PLEKHH2: variants seen among roughly 807,000 people sequenced by gnomAD.
PLEKHH2 encodes the protein pleckstrin homology, MyTH4 and FERM domain containing H2.
In PLEKHH2, 129 loss-of-function variants were observed where a neutral mutation model predicts 187.9. That is an observed-to-expected ratio of 0.69 (90% CI 0.59 to 0.79). The LOEUF is 0.79. PLEKHH2 is among the 30% of genes least tolerant of loss of function. The pLI is 0.00. For missense variants in PLEKHH2, 2,076 were observed against 1,751.2 expected (o/e 1.19, Z -3.31); for synonymous variants, 686 against 605.6 (o/e 1.13, Z -1.95).
At chr2:43,689,047 A>C (rs1486293784) in intron 3 of PLEKHH2, among the ~76,000 whole-genome samples, 1 of 152,202 alleles carries the variant, frequency 6.6e-6, no homozygotes, top group Non-Finnish European at 1.5e-5. Flanking sequence ...CCATTAGCAT[A>C]AACTATGTGG....
At chr2:43,735,360 G>C (rs900490448) in intron 19 of PLEKHH2, among the ~76,000 whole-genome samples, 1 of 152,148 alleles carries the variant, frequency 6.6e-6, no homozygotes, top group Admixed American at 6.5e-5. Flanking sequence ...TCATAGGTGG[G>C]AGCTAAAAAA....
At position 43,767,600 on chromosome 2, in the gene PLEKHH2, T is replaced by A. The variant is rs1363258412; in HGVS notation, c.*2002T>A. The A allele has an allele frequency of 6.6e-6, 1 of 152,514 alleles. No individual in the cohort carries two copies. Among genetic ancestry groups the A allele is most frequent in the Non-Finnish European group, 1.5e-5 (1 of 68,016 alleles). The allele number at this position is 152,514 out of a possible 1,614,324, so 9.4% of individuals were successfully genotyped here. ...AGTTCCTAGAGAGCCATTTAATAATTAGTTGGTGAGCCAGAGGCTTGACAG... is the reference window on the plus strand; with the variant it reads ...AGTTCCTAGAGAGCCATTTAATAATAAGTTGGTGAGCCAGAGGCTTGACAG... On this transcript the variant is annotated 3_prime_UTR_variant, in exon 30 of 30. Transcript: ENST00000282406.
intron 23 of PLEKHH2, 40 bp from the exon 24 acceptor site, chr2:43,745,826 G>T: frequency 6.8e-7 from 1 of 1,476,030 alleles, no homozygotes. Context: ...ATGTTGATTT[G>T]AAAAGTACTG....
intron 16 of PLEKHH2, among the ~76,000 whole-genome samples, chr2:43,724,555 T>A (rs1180948412): frequency 6.6e-6 from 1 of 152,184 alleles, no homozygotes; most frequent in African/African-American, 2.4e-5. Flanking sequence ...TTAATATAAA[T>A]TGGCTTTAGG....
intron 23 of PLEKHH2, among the ~76,000 whole-genome samples, chr2:43,744,659 G>A (rs1274007451): frequency 1.3e-5 from 2 of 152,126 alleles, no homozygotes; most frequent in African/African-American, 4.8e-5. Flanking sequence ...TTTGAGGCCA[G>A]GAGTTTGAGA....
intron 17 of PLEKHH2, among the ~76,000 whole-genome samples, chr2:43,728,843 T>G (rs1670904123): frequency 6.6e-6 from 1 of 152,164 alleles, no homozygotes. Context: ...ATTACAGGCA[T>G]GAGCCACCGT....
At chr2:43,720,619 G>C in intron 15 of PLEKHH2, 50 bp from the exon 16 acceptor site, 5 of 1,595,792 alleles carry the variant, frequency 3.1e-6, no homozygotes, top group Non-Finnish European at 4.3e-6. Context: ...TATAATTTAA[G>C]GTGTCAGAGT....
At chr2:43,637,744 G>T (rs1226381064) in intron 1 of PLEKHH2, among the ~76,000 whole-genome samples, 1 of 152,188 alleles carries the variant, frequency 6.6e-6, no homozygotes. Context: ...GGGTCCCCGA[G>T]CCGAGGGACC....
At chr2:43,656,252 C>T (rs143541285) in intron 2 of PLEKHH2, among the ~76,000 whole-genome samples, 1 of 152,258 alleles carries the variant, frequency 6.6e-6, no homozygotes, top group African/African-American at 2.4e-5. Context: ...TCACTGTGCC[C>T]AGCCTATCTT....
At chr2:43,681,117 T>C (rs2104433716) in intron 3 of PLEKHH2, 2 of 944,296 alleles carry the variant, frequency 2.1e-6, no homozygotes, top group Non-Finnish European at 3.3e-6. Context: ...ACTATGGTTG[T>C]GAAACCAAGT....
chr2:43,751,895 T>C (rs1480805230), intron 24 of PLEKHH2, among the ~76,000 whole-genome samples: 1 of 152,040 alleles, frequency 6.6e-6, no homozygotes, highest in African/African-American at 2.4e-5. Context: ...GAGCCCATGG[T>C]TCATGTCCAG....
Position 43,710,078 on chromosome 2 carries a change from G to A in PLEKHH2, c.2055G>A (p.Glu685=). 1 of 1,613,470 alleles carries A rather than the reference G, an allele frequency of 6.2e-7. No individual in the cohort carries two copies. ...YSTDTEYSQP[E]QKLPKTCSSS... The stretch of plus-strand genomic sequence containing the variant: ...CAGACACGGAGTACTCACAGCCAGA[G>A]CAGAAGCTCCCAAAAACTTGCTCAT... Residue 685 remains glutamate (E), a synonymous_variant, in exon 12 of 30, where the codon GAG becomes GAA. Transcript: ENST00000282406.
intron 25 of PLEKHH2, among the ~76,000 whole-genome samples, chr2:43,755,392 G>A (rs767491201): frequency 6.6e-6 from 1 of 152,100 alleles, no homozygotes; most frequent in Non-Finnish European, 1.5e-5. Context: ...TCTGTATGCT[G>A]ACTTCTGTTG....
chr2:43,700,713 C>A lies in PLEKHH2; in HGVS notation c.1650+105C>A, dbSNP rs113733835. 1.6e-3 allele frequency: 2,287 copies of A among 1,401,230 alleles called. 37 individuals carry two copies. The African/African-American group carries it at 0.03, about 18-fold the overall frequency. 86.8% of individuals were successfully genotyped at this position (1,401,230 alleles called of 1,614,324 possible). A position where few individuals can be genotyped will look rare whatever the true frequency, so the allele number is the denominator to read the frequency against. On this transcript the variant is annotated intron_variant, in intron 8 of 29. Transcript: ENST00000282406. ...TGTCGCCCAAGCTGGAGTGCAGTGG[C>A]GCGATCTTGGCTCACTGCAACCTCC... is the stretch of plus-strand genomic sequence containing the variant.
At chr2:43,693,203 G>T (rs894715922) in intron 4 of PLEKHH2, among the ~76,000 whole-genome samples, 1 of 152,134 alleles carries the variant, frequency 6.6e-6, no homozygotes, top group Non-Finnish European at 1.5e-5. Flanking sequence ...GGGATTACAG[G>T]CATGAGCCAC....
In PLEKHH2 at chr2:43,644,765, C is replaced by G. The variant is rs1226169246; in HGVS notation, c.92C>G (p.Ala31Gly). 6.2e-7 allele frequency: 1 copy of G among 1,609,536 alleles called. No homozygotes were observed. Among genetic ancestry groups the G allele is most frequent in the Non-Finnish European group, 8.5e-7 (1 of 1,177,076 alleles). The change falls in exon 2 of 30, where the codon GCA (alanine) becomes GGA (glycine). Residue 31 changes from alanine (A) to glycine (G), a missense_variant. Physicochemically the swap from Ala to Gly is moderately conservative, Grantham distance 60 (BLOSUM62 0). Coordinates refer to ENST00000282406, the MANE Select transcript of PLEKHH2 (RefSeq NM_172069.4). ...CAACTCATGAAATTTAGAGTTCAAG[C>G]AAGCAAGATACGAGAGCTTTTAGCA... ...ESQLMKFRVQ[A>G]SKIRELLAEK...
chr2:43,671,128 A>G (rs896138122), intron 2 of PLEKHH2, among the ~76,000 whole-genome samples: 4 of 151,948 alleles, frequency 2.6e-5, no homozygotes, highest in Non-Finnish European at 5.9e-5. Flanking sequence ...CTGGGATTAC[A>G]GGCACCTGCC....
intron 3 of PLEKHH2, among the ~76,000 whole-genome samples, chr2:43,689,637 G>C (rs948227161): frequency 6.6e-6 from 1 of 152,148 alleles, no homozygotes; most frequent in African/African-American, 2.4e-5. Context: ...GGTCTTAATA[G>C]GATCAGTTGG....
intron 2 of PLEKHH2, among the ~76,000 whole-genome samples, chr2:43,648,934 A>G (rs898190811): frequency 1.3e-5 from 2 of 152,200 alleles, no homozygotes; most frequent in African/African-American, 4.8e-5. Flanking sequence ...TAAAGGAAAA[A>G]TATGTGAGAT....
Sources: allele counts gnomAD v4.1 joint callset (sites outside exome capture counted in the v4.1 genomes callset), GRCh38; gene constraint gnomAD v4.1.1; transcripts MANE v1.5; gene names NCBI Gene and HGNC (gene_info 2026-07-23, HGNC 2026-07-21).